Variants in PLEKHO1 observed in about 807,000 individuals in gnomAD.
PLEKHO1 encodes pleckstrin homology domain containing O1.
In PLEKHO1, 22 loss-of-function variants were observed where a neutral mutation model predicts 41.4. The ratio of observed to expected loss-of-function variants is 0.53; its 90% CI spans 0.38 to 0.76. PLEKHO1 has a LOEUF of 0.76. PLEKHO1 is among the 30% of genes least tolerant of loss of function. PLEKHO1 has a pLI of 0.00. For synonymous variants in PLEKHO1, 225 were observed against 210.8 expected, an observed-to-expected ratio of 1.07 and a Z score of -0.58; for missense variants, 488 against 518.3, an observed-to-expected ratio of 0.94 and a Z score of 0.57.
intron 4 of PLEKHO1, 115 bp from the exon 5 acceptor site, chr1:150,157,270 C>A (rs1395642559): frequency 4.8e-6 from 4 of 832,604 alleles, no homozygotes; most frequent in African/African-American, 3.4e-5. Flanking sequence ...TCCAGTAAAT[C>A]CCCTTGCCCA....
intron 5 of PLEKHO1, 42 bp downstream of exon 5, chr1:150,157,528 G>A: frequency 7.3e-7 from 1 of 1,368,576 alleles, no homozygotes; most frequent in Non-Finnish European, 1.0e-6. Flanking sequence ...GGCCAATTCT[G>A]TGTCAGTCCA....
At chr1:150,154,297 A>T (rs1553819855) in intron 2 of PLEKHO1, 1 of 152,234 alleles carries the variant, frequency 6.6e-6, no homozygotes, top group Non-Finnish European at 1.5e-5. Flanking sequence ...TTGCTCTTGG[A>T]CACCCCTTGC....
At chr1:150,155,127 A>G (rs986610011) in intron 2 of PLEKHO1, 1 of 152,262 alleles carries the variant, frequency 6.6e-6, no homozygotes, top group Admixed American at 6.5e-5. Flanking sequence ...GCTAAGAGCT[A>G]AATGTTGCTT....
chr1:150,151,689 C>T lies in PLEKHO1; in HGVS notation c.177+631C>T, dbSNP rs1347212315. Among the ~76,000 whole-genome samples the T allele has an allele frequency of 5.3e-5, 8 of 152,186 alleles. No individual in the cohort carries two copies. The South Asian group carries it at 6.2e-4, about 12-fold the overall frequency. Reference sequence around the variant, plus strand: ...TTTTCTACCCACTTCCTGCCCACCCCTCCATTTGTATCAGAAGGGAGAGAA... The same window carrying T: ...TTTTCTACCCACTTCCTGCCCACCCTTCCATTTGTATCAGAAGGGAGAGAA... On this transcript the variant is annotated intron_variant, in intron 2 of 5. Transcript: ENST00000369124.
At chr1:150,150,857 G>C in intron 1 of PLEKHO1, 55 bp from the exon 2 acceptor site, 1 of 1,555,026 alleles carries the variant, frequency 6.4e-7, no homozygotes, top group Non-Finnish European at 8.8e-7. Context: ...CGGACGGAGA[G>C]GAAGCGCCGG....
At chr1:150,151,257 C>T (rs1483309951) in intron 2 of PLEKHO1, among the ~76,000 whole-genome samples, 199 bp downstream of exon 2, 1 of 152,090 alleles carries the variant, frequency 6.6e-6, no homozygotes, top group African/African-American at 2.4e-5. Context: ...TTGAGTTGGC[C>T]GCTTACTCAG....
In PLEKHO1 at chr1:150,157,429, C is replaced by T; in HGVS notation, c.468C>T (p.Asp156=). ...EDSYLAHPTR[D]RAKIQHSRRP... is the part of the protein sequence containing the mutation. ...GCTATCTTGCCCATCCCACTCGAGA[C>T]AGGGCAAAAATCCAGCACTCCCGCC... Residue 156 remains aspartate (D), a synonymous_variant, in exon 5 of 6, where the codon GAC becomes GAT. Coordinates refer to ENST00000369124, the MANE Select transcript of PLEKHO1 (RefSeq NM_016274.6). The T allele has an allele frequency of 1.9e-6, 3 of 1,614,038 alleles. No individual in the cohort carries two copies. Among genetic ancestry groups the T allele is most frequent in the Non-Finnish European group, 2.5e-6 (3 of 1,179,924 alleles).
chr1:150,154,790 G>C (rs1377301745), intron 2 of PLEKHO1: 1 of 152,216 alleles, frequency 6.6e-6, no homozygotes, highest in Non-Finnish European at 1.5e-5. Flanking sequence ...TCTCATTCCA[G>C]GAAAACGTGA....
intron 5 of PLEKHO1, among the ~76,000 whole-genome samples, chr1:150,158,549 C>T (rs1553820928): frequency 1.3e-5 from 2 of 149,396 alleles, no homozygotes; most frequent in African/African-American, 4.9e-5. Context: ...AAGAGCTGGG[C>T]GTGGTGGTGC....
chr1:150,159,679 A>G lies in PLEKHO1; in HGVS notation c.*156A>G. ...ACCCCACTACAACCCTTATTGCCCC[A>G]CCTACTTTCCATATGCCCCTCGTAT... On this transcript the variant is annotated 3_prime_UTR_variant, in exon 6 of 6. Coordinates refer to ENST00000369124, the MANE Select transcript of PLEKHO1 (RefSeq NM_016274.6). 1.8e-6 allele frequency: 1 copy of G among 564,560 alleles called. No individual in the cohort carries two copies. The highest frequency in any genetic ancestry group is 3.2e-6 in the Non-Finnish European group (1 of 315,924). 35.0% of individuals were successfully genotyped at this position (564,560 alleles called of 1,614,324 possible). A position where few individuals can be genotyped will look rare whatever the true frequency, so the allele number is the denominator to read the frequency against.
chr1:150,150,949 A>T lies in PLEKHO1; in HGVS notation c.68A>T (p.Glu23Val), dbSNP rs1553818787. Reference protein sequence around the residue: ...QDGNQQPAPPEKVGWVRKFCG... With the variant: ...QDGNQQPAPPVKVGWVRKFCG... ...GGAAACCAGCAGCCTGCACCGCCCG[A>T]GAAGGTCGGCTGGGTCCGGAAATTC... Residue 23 changes from glutamate to valine, a missense_variant, in exon 2 of 6, where the codon GAG (glutamate) becomes GTG (valine). Glu to Val is a moderately radical substitution (Grantham distance 121). Coordinates refer to ENST00000369124, the MANE Select transcript of PLEKHO1 (RefSeq NM_016274.6). 3 of 1,614,102 alleles carry T rather than the reference A, an allele frequency of 1.9e-6. No individual in the cohort carries two copies. Among genetic ancestry groups the T allele is most frequent in the Non-Finnish European group, 2.5e-6 (3 of 1,179,950 alleles).
intron 5 of PLEKHO1, among the ~76,000 whole-genome samples, chr1:150,158,000 C>T (rs1553820794): frequency 1.3e-5 from 2 of 152,152 alleles, no homozygotes; most frequent in Admixed American, 6.5e-5. Context: ...TTGCATGTCT[C>T]CAACTGTAAA....
rs150064768 is a variant in PLEKHO1, at chr1:150,159,294, G to A, written c.1001G>A (p.Arg334Gln). The change falls in exon 6 of 6, where the codon CGA (arginine) becomes CAA (glutamine). Residue 334 changes from arginine to glutamine, a missense_variant. Physicochemically the swap from Arg to Gln is conservative, Grantham distance 43 (BLOSUM62 1). Around this residue, in one of 3 missense-constraint regions of PLEKHO1, gnomAD observed 337 missense variants for 324.6 expected, o/e 1.04. Coordinates refer to ENST00000369124, the MANE Select transcript of PLEKHO1 (RefSeq NM_016274.6). ...AEVQGLGDGK[R>Q]KAKDPPRSPP... ...GTTCAGGGACTGGGAGATGGGAAGC[G>A]AAAGGCCAAGGACCCCCCTCGGTCT... 5.9e-5 allele frequency: 96 copies of A among 1,614,022 alleles called. No individual in the cohort carries two copies. The highest frequency in any genetic ancestry group is 2.1e-4 in the African/African-American group (16 of 74,930).
At position 150,157,451 on chromosome 1, in the gene PLEKHO1, C is replaced by T. The variant is rs781866582; in HGVS notation, c.490C>T (p.Arg164Cys). 3 of 1,613,760 alleles carry T rather than the reference C, an allele frequency of 1.9e-6. No individual in the cohort carries two copies. Among genetic ancestry groups the T allele is most frequent in the Non-Finnish European group, 1.7e-6 (2 of 1,179,720 alleles). ...TRDRAKIQHS[R>C]RPPTRGHLMA... is the part of the protein sequence containing the mutation. ...AGACAGGGCAAAAATCCAGCACTCC[C>T]GCCGCCCCCCAACAAGGGGACACCT... The change falls in exon 5 of 6, where the codon CGC (arginine) becomes TGC (cysteine). Residue 164 changes from arginine (R) to cysteine (C), a missense_variant. Physicochemically the swap from Arg to Cys is radical, Grantham distance 180. This residue lies in a region of PLEKHO1 where 337 missense variants were observed against 324.6 expected (regional missense o/e 1.04). Transcript: ENST00000369124.
rs1553818841 is a variant in PLEKHO1, at chr1:150,151,054, A to G, written c.173A>G (p.Lys58Arg). 2 of 1,614,004 alleles carry G rather than the reference A, an allele frequency of 1.2e-6. No individual in the cohort carries two copies. The highest frequency in any genetic ancestry group is 1.7e-6 in the Non-Finnish European group (2 of 1,179,886). Reference sequence around the variant, plus strand: ...GGGGACCAGCTCTACATCTCTGAGAAGGAGGTGGGTGCCTCTTGCCTCTAA... The same window carrying G: ...GGGGACCAGCTCTACATCTCTGAGAGGGAGGTGGGTGCCTCTTGCCTCTAA... ...LKGDQLYISE[K>R]EVKDEKNIQE... is the part of the protein sequence containing the mutation. The change falls in exon 2 of 6, where the codon AAG becomes AGG. Residue 58 changes from lysine to arginine, a missense_variant. Physicochemically the swap from Lys to Arg is conservative, Grantham distance 26. This residue lies in a region of PLEKHO1 where 92 missense variants were observed against 82.3 expected (regional missense o/e 1.12). Transcript: ENST00000369124.
Position 150,150,138 on chromosome 1 carries a change from A to AGCG in PLEKHO1, c.-113_-111dup, listed in dbSNP as rs1390144828. The AGCG allele has an allele frequency of 2.7e-5, 7 of 259,086 alleles. No homozygotes were observed. Among genetic ancestry groups the AGCG allele is most frequent in the Non-Finnish European group, 4.3e-5 (7 of 163,814 alleles). The allele number at this position is 259,086 out of a possible 1,614,324, so 16.0% of individuals were successfully genotyped here. On this transcript the variant is annotated 5_prime_UTR_variant, in exon 1 of 6. Coordinates refer to ENST00000369124, the MANE Select transcript of PLEKHO1 (RefSeq NM_016274.6). ...CGGGAGCGGGAGGGCGCGAGGGAGG[A>AGCG]GCGGCGGCGCCGGGGCAGCTCCGAC...
At chr1:150,157,269 T>A in intron 4 of PLEKHO1, 116 bp from the exon 5 acceptor site, 2 of 829,692 alleles carry the variant, frequency 2.4e-6, no homozygotes, top group South Asian at 1.4e-5. Flanking sequence ...GTCCAGTAAA[T>A]CCCCTTGCCC....
chr1:150,150,731 G>A, intron 1 of PLEKHO1, 181 bp from the exon 2 acceptor site: 2 of 571,394 alleles, frequency 3.5e-6, no homozygotes, highest in East Asian at 3.0e-5. Flanking sequence ...GGAGGGGAGC[G>A]GGGGGAGTTC....
At position 150,159,320 on chromosome 1, in the gene PLEKHO1, C is replaced by G. The variant is rs1660331457; in HGVS notation, c.1027C>G (p.Pro343Ala). The G allele has an allele frequency of 1.2e-6, 2 of 1,614,098 alleles. No individual in the cohort carries two copies. Among genetic ancestry groups the G allele is most frequent in the Non-Finnish European group, 1.7e-6 (2 of 1,180,050 alleles). The change falls in exon 6 of 6, where the codon CCG becomes GCG. Residue 343 changes from proline (P) to alanine (A), a missense_variant. Physicochemically the swap from Pro to Ala is conservative, Grantham distance 27. Coordinates refer to ENST00000369124, the MANE Select transcript of PLEKHO1 (RefSeq NM_016274.6). ...KRKAKDPPRSPPDSESEQLLL... is the reference protein window; with the variant it reads ...KRKAKDPPRSAPDSESEQLLL... Reference sequence around the variant, plus strand: ...AAAGGCCAAGGACCCCCCTCGGTCTCCGCCGGATTCTGAGTCAGAGCAGCT... The same window carrying G: ...AAAGGCCAAGGACCCCCCTCGGTCTGCGCCGGATTCTGAGTCAGAGCAGCT...
Sources: allele counts gnomAD v4.1 joint callset (sites outside exome capture counted in the v4.1 genomes callset), GRCh38; gene constraint gnomAD v4.1.1; regional missense constraint gnomAD v4.1.1; transcripts MANE v1.5; gene names NCBI Gene and HGNC (gene_info 2026-07-23, HGNC 2026-07-21).